The following ULK4 variants were observed in gnomAD, a reference collection of about 807,000 sequenced individuals.
ULK4 encodes the protein inactive serine/threonine-protein kinase ULK4.
ULK4 carries 133 observed loss-of-function variants against 160.6 expected under a neutral mutation model. That is an observed-to-expected ratio of 0.83 (90% CI 0.72 to 0.96). The LOEUF (loss-of-function observed/expected upper bound fraction) is 0.96, where lower values mean the gene tolerates loss of function less well. Among genes scored for constraint, ULK4 ranks in the 40% least tolerant of loss-of-function variants. The pLI is 0.00. For missense variants in ULK4, 1,580 were observed against 1,499.5 expected (o/e 1.05, Z -0.89); for synonymous variants, 534 against 539.8 (o/e 0.99, Z 0.15).
chr3:41,772,500 C>T (rs1179142774), intron 21 of ULK4, among the ~76,000 whole-genome samples: 1 of 152,122 alleles, frequency 6.6e-6, no homozygotes, highest in Non-Finnish European at 1.5e-5. Flanking sequence ...GACACATACA[C>T]CCTCCCAAGA....
intron 35 of ULK4, among the ~76,000 whole-genome samples, chr3:41,369,661 G>A (rs2081322882): frequency 6.6e-6 from 1 of 151,810 alleles, no homozygotes; most frequent in Non-Finnish European, 1.5e-5. Flanking sequence ...CAGGATGGTG[G>A]TGGCCGCCTG....
intron 35 of ULK4, among the ~76,000 whole-genome samples, chr3:41,331,860 G>A (rs1373820537): frequency 1.3e-5 from 2 of 152,124 alleles, no homozygotes; most frequent in Non-Finnish European, 2.9e-5. Flanking sequence ...TAAACAGCAG[G>A]TGATCAATGG....
intron 30 of ULK4, among the ~76,000 whole-genome samples, chr3:41,637,602 T>G (rs922746249): frequency 6.6e-6 from 1 of 152,242 alleles, no homozygotes; most frequent in African/African-American, 2.4e-5. Context: ...TTTTATTTTT[T>G]GAGGAACCTC....
chr3:41,366,548 TACACAC>T lies in ULK4; in HGVS notation c.3678+31525_3678+31530del, dbSNP rs148305509. 1.2e-3 allele frequency among the ~76,000 whole-genome samples: 179 copies of T among 148,788 alleles called. 1 individual carries two copies. Among genetic ancestry groups the T allele is most frequent in the Non-Finnish European group, 1.9e-3 (126 of 66,998 alleles). Reference sequence around the variant, plus strand: ...AACACCTGTATTTGGAAAATATGGCTACACACACACACACACACACACACACTTTAT... The same window carrying T: ...AACACCTGTATTTGGAAAATATGGCTACACACACACACACACACACTTTAT... On this transcript the variant is annotated intron_variant, in intron 35 of 36. Transcript: ENST00000301831.
At chr3:41,463,063 G>C in intron 33 of ULK4, 24 bp downstream of exon 33, 1 of 1,609,778 alleles carries the variant, frequency 6.2e-7, no homozygotes, top group Non-Finnish European at 8.5e-7. Context: ...GGCTGCTCAA[G>C]ACACAGGAAA....
At chr3:41,826,333 T>A (rs1430630573) in intron 18 of ULK4, among the ~76,000 whole-genome samples, 4 of 152,072 alleles carry the variant, frequency 2.6e-5, no homozygotes, top group Non-Finnish European at 5.9e-5. Flanking sequence ...GTAAATGGGC[T>A]AAATGCTCCA....
chr3:41,788,597 A>G (rs1005632925), intron 21 of ULK4, among the ~76,000 whole-genome samples: 1 of 152,008 alleles, frequency 6.6e-6, no homozygotes, highest in African/African-American at 2.4e-5. Flanking sequence ...GGCTGAGGCA[A>G]GAGAACAGCG....
intron 19 of ULK4, among the ~76,000 whole-genome samples, chr3:41,807,858 C>T (rs1051132317): frequency 3.3e-5 from 5 of 152,178 alleles, no homozygotes; most frequent in Non-Finnish European, 7.3e-5. Flanking sequence ...CTTCTAGCCT[C>T]TCTCTGTTCC....
chr3:41,849,816 A>G (rs186148256), intron 17 of ULK4, among the ~76,000 whole-genome samples: 91 of 152,160 alleles, frequency 6.0e-4, no homozygotes, highest in African/African-American at 2.1e-3. Context: ...TTTTTTAAAG[A>G]ATTTTTATTA....
At chr3:41,741,028 A>T (rs1159753672) in intron 22 of ULK4, among the ~76,000 whole-genome samples, 1 of 152,012 alleles carries the variant, frequency 6.6e-6, no homozygotes, top group East Asian at 1.9e-4. Context: ...ACTAAATTTA[A>T]TCTAAAAGTC....
intron 21 of ULK4, among the ~76,000 whole-genome samples, chr3:41,769,169 T>C (rs573912099): frequency 2.0e-5 from 3 of 152,320 alleles, no homozygotes; most frequent in East Asian, 1.9e-4. Context: ...AGCACAATTT[T>C]AGATCTAAGC....
rs1274521947 is a variant in ULK4 at position 41,679,588 on chromosome 3, G to T, written c.2978+1920C>A. Among the ~76,000 whole-genome samples the T allele has an allele frequency of 5.3e-5, 8 of 152,166 alleles. No individual in the cohort carries two copies. The East Asian group carries it at 1.5e-3, about 29-fold the overall frequency. On this transcript the variant is annotated intron_variant, in intron 29 of 36. Coordinates refer to ENST00000301831, the MANE Select transcript of ULK4 (RefSeq NM_017886.4). Reference sequence around the variant, plus strand: ...TTTCCTCTTTAATTCCTCATCTCTGGAAAAAGTAAAGACTCATACTAAAGG... The same window carrying T: ...TTTCCTCTTTAATTCCTCATCTCTGTAAAAAGTAAAGACTCATACTAAAGG...
intron 32 of ULK4, among the ~76,000 whole-genome samples, chr3:41,498,870 C>T (rs2085089511): frequency 6.6e-6 from 1 of 152,142 alleles, no homozygotes; most frequent in African/African-American, 2.4e-5. Context: ...GCTGGGATTA[C>T]AGGCGTGAGC....
At chr3:41,648,265 G>A (rs566777988) in intron 30 of ULK4, among the ~76,000 whole-genome samples, 1 of 152,290 alleles carries the variant, frequency 6.6e-6, no homozygotes, top group South Asian at 2.1e-4. Context: ...AGATGGAAAT[G>A]CAGAAATCAC....
rs867684835 is a variant in ULK4, at chr3:41,377,120, T to G, written c.3678+20959A>C. ...GACAAACCTGACAAAAACAAGAAAT[T>G]GGGAAAGGATTCCCTATTTAATAAA... On this transcript the variant is annotated intron_variant, in intron 35 of 36. Transcript: ENST00000301831. Among the ~76,000 whole-genome samples the G allele has an allele frequency of 4.9e-4, 75 of 151,870 alleles. No homozygotes were observed. In the Middle Eastern group the frequency reaches 0.01, roughly 21 times the overall value.
intron 4 of ULK4, among the ~76,000 whole-genome samples, chr3:41,935,505 A>G (rs934779532): frequency 5.9e-5 from 9 of 151,924 alleles, no homozygotes; most frequent in Admixed American, 5.9e-4. Flanking sequence ...ATGGGATTAT[A>G]GGCGTGAGCC....
chr3:41,644,129 C>G (rs528795836), intron 30 of ULK4, among the ~76,000 whole-genome samples: 1 of 152,170 alleles, frequency 6.6e-6, no homozygotes, highest in Admixed American at 6.5e-5. Context: ...ACAATCATGT[C>G]GTCTGCAAAC....
intron 34 of ULK4, among the ~76,000 whole-genome samples, chr3:41,448,141 C>T (rs1032107330): frequency 1.3e-5 from 2 of 152,088 alleles, no homozygotes; most frequent in Admixed American, 6.5e-5. Flanking sequence ...ATGGCTCCTG[C>T]CTTCCTAGGG....
intron 17 of ULK4, among the ~76,000 whole-genome samples, chr3:41,880,116 T>C (rs1697460341): frequency 6.6e-6 from 1 of 152,062 alleles, no homozygotes; most frequent in Admixed American, 6.6e-5. Context: ...TGAGACTCAG[T>C]CACAAAAAAA....
Sources: gnomAD v4.1 joint callset for allele counts (sites outside exome capture counted in the v4.1 genomes callset) on GRCh38, gnomAD v4.1.1 for gene constraint, MANE v1.5 for transcripts, NCBI Gene and HGNC (gene_info 2026-07-23, HGNC 2026-07-21) for gene names.